Variants in LARGE1 observed in about 807,000 individuals in gnomAD.
LARGE1 encodes the protein xylosyl- and glucuronyltransferase LARGE1.
A neutral mutation model predicts 87.6 loss-of-function variants in LARGE1; 43 were observed. The observed-to-expected ratio is 0.49, with a 90% CI of 0.38 to 0.63. The LOEUF is 0.63. LARGE1 is among the 30% of genes least tolerant of loss of function. The pLI is 0.00. For synonymous variants in LARGE1, 434 were observed against 394.6 expected (o/e 1.10, Z -1.18); for missense variants, 802 against 1,000.2 (o/e 0.80, Z 2.67).
intron 9 of LARGE1, among the ~76,000 whole-genome samples, chr22:33,364,203 C>T (rs868197688): frequency 5.9e-5 from 9 of 152,224 alleles, no homozygotes; most frequent in Middle Eastern, 3.4e-3. Flanking sequence ...TACAGGCGCC[C>T]GCCACCACGC....
chr22:33,504,500 T>C (rs1307439291), intron 6 of LARGE1, among the ~76,000 whole-genome samples: 2 of 152,188 alleles, frequency 1.3e-5, no homozygotes, highest in Admixed American at 6.5e-5. Context: ...CCTCAGGTGA[T>C]CCACCCGCCT....
intron 2 of LARGE1, among the ~76,000 whole-genome samples, chr22:33,688,765 T>C (rs1367368391): frequency 6.6e-6 from 1 of 152,148 alleles, no homozygotes; most frequent in Non-Finnish European, 1.5e-5. Flanking sequence ...GGGATGGTCA[T>C]AAAGCCTTCC....
intron 1 of LARGE1, among the ~76,000 whole-genome samples, chr22:33,826,544 T>G (rs1431807427): frequency 6.6e-6 from 1 of 152,020 alleles, no homozygotes; most frequent in South Asian, 2.1e-4. Flanking sequence ...AATTTCACCA[T>G]CTTGGCCAGG....
At chr22:33,407,946 AGTC>A (rs1475314795) in intron 7 of LARGE1, among the ~76,000 whole-genome samples, 1 of 152,108 alleles carries the variant, frequency 6.6e-6, no homozygotes, top group Admixed American at 6.5e-5. Context: ...GTCATAGTAA[AGTC>A]TGCATGCATT....
At chr22:33,359,490 C>T (rs1199726934) in intron 9 of LARGE1, among the ~76,000 whole-genome samples, 1 of 151,450 alleles carries the variant, frequency 6.6e-6, no homozygotes, top group African/African-American at 2.4e-5. Context: ...CAGCTCACTT[C>T]TGTAGGATAA....
intron 1 of LARGE1, among the ~76,000 whole-genome samples, chr22:33,846,260 A>T (rs1261223935): frequency 1.3e-5 from 2 of 152,200 alleles, no homozygotes; most frequent in African/African-American, 2.4e-5. Context: ...CCCCAAATTA[A>T]TACTTTTATA....
chr22:33,085,051 G>C, the LARGE1 span, among the ~76,000 whole-genome samples: 1 of 152,218 alleles, frequency 6.6e-6, no homozygotes, highest in African/African-American at 2.4e-5. Flanking sequence ...CAAGGAGGGT[G>C]GATCACCTGA....
chr22:33,208,568 A>C (rs1211193015), intron 11 of LARGE1, among the ~76,000 whole-genome samples: 2 of 141,416 alleles, frequency 1.4e-5, no homozygotes, highest in East Asian at 4.0e-4. Flanking sequence ...CTTTAAAAAC[A>C]AGTCACTTTT....
intron 5 of LARGE1, among the ~76,000 whole-genome samples, chr22:33,595,057 T>C (rs2078941833): frequency 6.6e-6 from 1 of 152,174 alleles, no homozygotes. Flanking sequence ...TTTTGGCAAA[T>C]TCCTTAGAAA....
chr22:33,900,426 T>C (rs11914071), intron 1 of LARGE1, among the ~76,000 whole-genome samples: 163 of 152,286 alleles, frequency 1.1e-3, no homozygotes, highest in African/African-American at 3.6e-3. Context: ...TAGATGTCAC[T>C]TGCTTGGAAT....
intron 2 of LARGE1, among the ~76,000 whole-genome samples, chr22:33,743,619 A>G (rs1358634194): frequency 6.6e-6 from 1 of 152,196 alleles, no homozygotes; most frequent in Non-Finnish European, 1.5e-5. Context: ...GATCTGGCCT[A>G]AATTCCTGTC....
chr22:33,450,038 A>G (rs1418987080), intron 6 of LARGE1, among the ~76,000 whole-genome samples: 2 of 151,964 alleles, frequency 1.3e-5, no homozygotes, highest in Admixed American at 6.6e-5. Flanking sequence ...CAGCCTCCCA[A>G]GTAGCTGGAA....
chr22:33,263,422 G>A (rs1927754714), intron 11 of LARGE1, among the ~76,000 whole-genome samples: 1 of 152,240 alleles, frequency 6.6e-6, no homozygotes, highest in African/African-American at 2.4e-5. Context: ...CTTTGAAGAG[G>A]TGAGCTGCTA....
the LARGE1 span, among the ~76,000 whole-genome samples, chr22:33,100,498 A>G: frequency 3.3e-5 from 5 of 152,162 alleles, no homozygotes; most frequent in African/African-American, 1.2e-4. Flanking sequence ...TGTAATAGCC[A>G]CATAAGGCTA....
At chr22:33,225,174 C>T (rs8137371) in intron 11 of LARGE1, among the ~76,000 whole-genome samples, 2,960 of 152,244 alleles carry the variant, frequency 0.019, 94 homozygotes, top group African/African-American at 0.066. Context: ...CTGGGTGCTA[C>T]AGCCGTGGGC....
the LARGE1 span, among the ~76,000 whole-genome samples, chr22:33,156,031 G>A: frequency 6.6e-6 from 1 of 152,202 alleles, no homozygotes; most frequent in Admixed American, 6.5e-5. Flanking sequence ...AAAAAATGAA[G>A]TTTGGGAACC....
In LARGE1 at chr22:33,659,744, TAAAA is replaced by T. The variant is rs71187276; in HGVS notation, c.107-9080_107-9077del. ...CTTCTGACAAAGATGGAAGAACAGT[TAAAA>T]AAAAAAAAAAAAAAAGGAGAGTTCC... On this transcript the variant is annotated intron_variant, in intron 2 of 14. Coordinates refer to ENST00000397394, the MANE Select transcript of LARGE1 (RefSeq NM_133642.5). Among the ~76,000 whole-genome samples the T allele has an allele frequency of 9.8e-5, 12 of 122,040 alleles. No homozygotes were observed. In the East Asian group the frequency reaches 2.1e-3, roughly 22 times the overall value. The allele number at this position is 122,040 out of a possible 152,430, so 80.1% of individuals were successfully genotyped here.
intron 1 of LARGE1, among the ~76,000 whole-genome samples, chr22:33,852,694 T>C (rs1312489623): frequency 6.6e-6 from 1 of 150,604 alleles, no homozygotes; most frequent in African/African-American, 2.4e-5. Context: ...TAAAAAAACA[T>C]ATATACAAAA....
In LARGE1 at chr22:33,384,541, T is replaced by C. The variant is rs557516997; in HGVS notation, c.893-237A>G. 6.4e-4 allele frequency among the ~76,000 whole-genome samples: 82 copies of C among 128,242 alleles called. 3 individuals carry two copies. Among genetic ancestry groups the C allele is most frequent in the African/African-American group, 1.9e-3 (72 of 38,022 alleles). 84.1% of individuals were successfully genotyped at this position (128,242 alleles called of 152,430 possible). A position where few individuals can be genotyped will look rare whatever the true frequency, so the allele number is the denominator to read the frequency against. ...TGGGTTCAAGCCTAGGACCTGCCAG[T>C]TACTCGATAGGAGACATGAAACCAT... On this transcript the variant is annotated intron_variant, in intron 7 of 14. Coordinates refer to ENST00000397394, the MANE Select transcript of LARGE1 (RefSeq NM_133642.5).
Sources: allele counts gnomAD v4.1 joint callset (sites outside exome capture counted in the v4.1 genomes callset), GRCh38; gene constraint gnomAD v4.1.1; transcripts MANE v1.5; gene names NCBI Gene and HGNC (gene_info 2026-07-23, HGNC 2026-07-21).